Variants in TM2D2 observed in about 807,000 individuals in gnomAD.
The protein encoded by TM2D2 is TM2 domain containing 2.
A neutral mutation model predicts 23.0 loss-of-function variants in TM2D2; 19 were observed. That is an observed-to-expected ratio of 0.82 (90% CI 0.58 to 1.21). The LOEUF (loss-of-function observed/expected upper bound fraction) is 1.21, where lower values mean the gene tolerates loss of function less well. TM2D2 is among the 50% of genes most tolerant of loss of function. TM2D2 has a pLI of 0.00. For synonymous variants in TM2D2, 120 were observed against 108.8 expected, an observed-to-expected ratio of 1.10 and a Z score of -0.64; for missense variants, 246 against 265.4, an observed-to-expected ratio of 0.93 and a Z score of 0.51.
chr8:38,996,687 T>G (rs113863455), upstream of TM2D2: 26 of 1,424,104 alleles, frequency 1.8e-5, 1 homozygote, highest in African/African-American at 2.7e-4. Context: ...CTCATGCTCC[T>G]CCTTCTTTTG....
chr8:38,996,343 T>C lies in TM2D2; in HGVS notation c.97A>G (p.Ser33Gly), dbSNP rs1231473417. Residue 33 changes from serine (S) to glycine (G), a missense_variant, in exon 1 of 4, where the codon AGC becomes GGC. By Grantham distance (56) the Ser-to-Gly change is moderately conservative. Around this residue, in one of 2 missense-constraint regions of TM2D2, gnomAD observed 212 missense variants for 202.2 expected, o/e 1.05. Transcript: ENST00000456397. ...NLLLLHCVSRSHSQNATAEPE... is the reference protein window; with the variant it reads ...NLLLLHCVSRGHSQNATAEPE... ...TCAGCGGTCGCATTTTGCGAGTGGCTCCGAGACACACAATGCAGCAGAAGT... is the reference window on the plus strand; with the variant it reads ...TCAGCGGTCGCATTTTGCGAGTGGCCCCGAGACACACAATGCAGCAGAAGT... The C allele has an allele frequency of 2.5e-6, 4 of 1,613,958 alleles. No homozygotes were observed. The Admixed American group carries it at 6.7e-5, about 27-fold the overall frequency.
Position 38,989,755 on chromosome 8 carries a change from T to C in TM2D2, c.*1577A>G, listed in dbSNP as rs757223403. On this transcript the variant is annotated 3_prime_UTR_variant, in exon 4 of 4. Transcript: ENST00000456397. ...ATTTTGGGTAATATTATAATTTATGTTTTTTAGACTTCCCTTAGAAATTTT... is the reference window on the plus strand; with the variant it reads ...ATTTTGGGTAATATTATAATTTATGCTTTTTAGACTTCCCTTAGAAATTTT... 7.2e-5 allele frequency: 11 copies of C among 152,198 alleles called. No individual in the cohort carries two copies. Among genetic ancestry groups the C allele is most frequent in the Non-Finnish European group, 1.3e-4 (9 of 68,032 alleles). 9.4% of individuals were successfully genotyped at this position (152,198 alleles called of 1,614,324 possible). A position where few individuals can be genotyped will look rare whatever the true frequency, so the allele number is the denominator to read the frequency against.
rs1333714807 is a variant in TM2D2, at chr8:38,990,246, G to C, written c.*1086C>G. 2 of 152,298 alleles carry C rather than the reference G, an allele frequency of 1.3e-5. No individual in the cohort carries two copies. Among genetic ancestry groups the C allele is most frequent in the Middle Eastern group, 3.4e-3 (1 of 294 alleles). 9.4% of individuals were successfully genotyped at this position (152,298 alleles called of 1,614,324 possible). On this transcript the variant is annotated 3_prime_UTR_variant, in exon 4 of 4. Transcript: ENST00000456397. ...TGGTCTTAAATTCAATTATTATTAG[G>C]TAAACTGAGTGAGTTCTACCTTGTT...
rs551436528 is a variant in TM2D2, at chr8:38,995,483, G to A, written c.228-78C>T. 6.6e-5 allele frequency: 105 copies of A among 1,587,968 alleles called. 1 individual carries two copies. In the South Asian group the frequency reaches 1.2e-3, roughly 18 times the overall value. Reference sequence around the variant, plus strand: ...CTGTTTGCATGCACGTAATCAAAACGGGCAAAAGACATTTCTTCATCAAGT... The same window carrying A: ...CTGTTTGCATGCACGTAATCAAAACAGGCAAAAGACATTTCTTCATCAAGT... On this transcript the variant is annotated intron_variant, in intron 1 of 3. Transcript: ENST00000456397.
In TM2D2 at chr8:38,991,516, A is replaced by G. The variant is rs757641743; in HGVS notation, c.461T>C (p.Leu154Ser). The change falls in exon 4 of 4, where the codon TTA becomes TCA. Residue 154 changes from leucine (L) to serine (S), a missense_variant. By Grantham distance (145) the Leu-to-Ser change is moderately radical. This residue lies in a region of TM2D2 where 212 missense variants were observed against 202.2 expected (regional missense o/e 1.05). Transcript: ENST00000456397. ...KYTGHYFITTLLYSFFLGCFG... is the reference protein window; with the variant it reads ...KYTGHYFITTSLYSFFLGCFG... Reference sequence around the variant, plus strand: ...ACATCCCAGGAAGAAGGAGTAGAGTAAAGTGGTTATGAAGTAGTGTCCGGT... The same window carrying G: ...ACATCCCAGGAAGAAGGAGTAGAGTGAAGTGGTTATGAAGTAGTGTCCGGT... 6.2e-7 allele frequency: 1 copy of G among 1,614,110 alleles called. No individual in the cohort carries two copies. Among genetic ancestry groups the G allele is most frequent in the Non-Finnish European group, 8.5e-7 (1 of 1,179,906 alleles).
At position 38,996,234 on chromosome 8, in the gene TM2D2, G is replaced by A. The variant is rs1448656773; in HGVS notation, c.206C>T (p.Pro69Leu). ...TTACAGGTAAGAGCAGAGGATGACC[G>A]GAGAGTGGGGGTCGCCATATTCCCA... ...ASWEYGDPHSPVILCSYLPDE... is the reference protein window; with the variant it reads ...ASWEYGDPHSLVILCSYLPDE... The change falls in exon 1 of 4, where the codon CCG becomes CTG. Residue 69 changes from proline (P) to leucine (L), a missense_variant. Pro to Leu is a moderately conservative substitution (Grantham distance 98). Coordinates refer to ENST00000456397, the MANE Select transcript of TM2D2 (RefSeq NM_078473.3). 5.6e-6 allele frequency: 9 copies of A among 1,613,628 alleles called. No individual in the cohort carries two copies. The highest frequency in any genetic ancestry group is 3.3e-5 in the Admixed American group (2 of 59,998).
Position 38,989,821 on chromosome 8 carries a change from CTT to C in TM2D2, c.*1509_*1510del, listed in dbSNP as rs1366484923. ...TGGCATCCTTGAACTCCCTTAAACT[CTT>C]TTATTTGTATAAATTTATAGGGTAC... On this transcript the variant is annotated 3_prime_UTR_variant, in exon 4 of 4. Coordinates refer to ENST00000456397, the MANE Select transcript of TM2D2 (RefSeq NM_078473.3). 1 of 151,338 alleles carries C rather than the reference CTT, an allele frequency of 6.6e-6. No individual in the cohort carries two copies. 9.4% of individuals were successfully genotyped at this position (151,338 alleles called of 1,614,324 possible).
Position 38,996,035 on chromosome 8 carries a change from C to T in TM2D2, c.227+178G>A, listed in dbSNP as rs1043149715. ...TCTCAAAGCCTCTGTCACTGACACA[C>T]AAGAGTTTTCTCTGCACGGGCTGTG... is the stretch of plus-strand genomic sequence containing the variant. On this transcript the variant is annotated intron_variant, in intron 1 of 3. Transcript: ENST00000456397. Among the ~76,000 whole-genome samples, 3 of 152,174 alleles carry T rather than the reference C, an allele frequency of 2.0e-5. No homozygotes were observed. The East Asian group carries it at 5.8e-4, about 29-fold the overall frequency.
Position 38,988,819 on chromosome 8 carries a change from T to C in TM2D2, c.*2513A>G, listed in dbSNP as rs1448578258. 2 of 152,190 alleles carry C rather than the reference T, an allele frequency of 1.3e-5. No individual in the cohort carries two copies. The allele number at this position is 152,190 out of a possible 1,614,324, so 9.4% of individuals were successfully genotyped here. A position where few individuals can be genotyped will look rare whatever the true frequency, so the allele number is the denominator to read the frequency against. On this transcript the variant is annotated 3_prime_UTR_variant, in exon 4 of 4. Transcript: ENST00000456397. ...ACAGTGCCAGGAAATCTGGGGGAAC[T>C]GATAACATTTTATTAAAGGCAAGAA...
chr8:38,989,642 A>AAAAC lies in TM2D2; in HGVS notation c.*1686_*1689dup, dbSNP rs1235426795. On this transcript the variant is annotated 3_prime_UTR_variant, in exon 4 of 4. Transcript: ENST00000456397. ...CCCTAAAGTTTCTTATTTTTTAAAG[A>AAAAC]AAACAACTTTTGGTAGGGTTATGAA... 3.9e-5 allele frequency: 6 copies of AAAAC among 152,182 alleles called. No homozygotes were observed. Among genetic ancestry groups the AAAAC allele is most frequent in the Non-Finnish European group, 8.8e-5 (6 of 68,036 alleles). 9.4% of individuals were successfully genotyped at this position (152,182 alleles called of 1,614,324 possible). A position where few individuals can be genotyped will look rare whatever the true frequency, so the allele number is the denominator to read the frequency against.
Position 38,991,113 on chromosome 8 carries a change from T to C in TM2D2, c.*219A>G, listed in dbSNP as rs568202992. 143 of 585,624 alleles carry C rather than the reference T, an allele frequency of 2.4e-4. No homozygotes were observed. The highest frequency in any genetic ancestry group is 4.0e-4 in the Non-Finnish European group (132 of 330,336). 36.3% of individuals were successfully genotyped at this position (585,624 alleles called of 1,614,324 possible). ...TTTGTGCATGAGGAAAGGAACAAAT[T>C]TGATTCCCCACAACACTTTTTGCTT... is the stretch of plus-strand genomic sequence containing the variant. On this transcript the variant is annotated 3_prime_UTR_variant, in exon 4 of 4. Coordinates refer to ENST00000456397, the MANE Select transcript of TM2D2 (RefSeq NM_078473.3).
intron 3 of TM2D2, among the ~76,000 whole-genome samples, 172 bp from the exon 4 acceptor site, chr8:38,991,717 A>C (rs1462545170): frequency 6.6e-6 from 1 of 152,060 alleles, no homozygotes; most frequent in Non-Finnish European, 1.5e-5. Flanking sequence ...GATCAGGAAA[A>C]ACCAAAGTTT....
chr8:38,994,851 ACT>A (rs113670132), intron 2 of TM2D2, among the ~76,000 whole-genome samples: 8,144 of 152,194 alleles, frequency 0.054, 757 homozygotes, highest in African/African-American at 0.19. Context: ...ATACCGGTAG[ACT>A]CTATCTGTCT....
Position 38,992,687 on chromosome 8 carries a change from A to G in TM2D2, c.431+858T>C, listed in dbSNP as rs563588091. 1.5e-3 allele frequency among the ~76,000 whole-genome samples: 221 copies of G among 152,288 alleles called. 1 individual carries two copies. The highest frequency in any genetic ancestry group is 5.1e-3 in the African/African-American group (214 of 41,560). Reference sequence around the variant, plus strand: ...ACATTTGCACAACAGGCACCATGGTAGGAGTAGGAGTCTGGGCTCCCATCC... The same window carrying G: ...ACATTTGCACAACAGGCACCATGGTGGGAGTAGGAGTCTGGGCTCCCATCC... On this transcript the variant is annotated intron_variant, in intron 3 of 3. Transcript: ENST00000456397.
rs1835578021 is a variant in TM2D2 at position 38,990,784 on chromosome 8, T to C, written c.*548A>G. 1 of 154,026 alleles carries C rather than the reference T, an allele frequency of 6.5e-6. No homozygotes were observed. The allele number at this position is 154,026 out of a possible 1,614,324, so 9.5% of individuals were successfully genotyped here. ...ATAATTTTGAGTTTATTCCCCCTAC[T>C]GAAAATACTCATACAGTACTCCAAG... On this transcript the variant is annotated 3_prime_UTR_variant, in exon 4 of 4. Coordinates refer to ENST00000456397, the MANE Select transcript of TM2D2 (RefSeq NM_078473.3).
upstream of TM2D2, chr8:38,996,669 T>G (rs1008044009): frequency 7.0e-7 from 1 of 1,426,574 alleles, no homozygotes; most frequent in Non-Finnish European, 9.1e-7. Flanking sequence ...TCGATTCCTC[T>G]TCTGGGTCTC....
At chr8:38,991,620 G>C (rs111722842) in intron 3 of TM2D2, 75 bp from the exon 4 acceptor site, 6 of 1,152,610 alleles carry the variant, frequency 5.2e-6, no homozygotes, top group African/African-American at 3.0e-5. Context: ...TGAATTTAAC[G>C]TAAGTGATGA....
In TM2D2 at chr8:38,996,199, C is replaced by T. The variant is rs1203998935; in HGVS notation, c.227+14G>A. ...ACCCTCCACGTCCACCCGCCTCGAC[C>T]ACTGGTAGCTTACAGGTAAGAGCAG... On this transcript the variant is annotated intron_variant, in intron 1 of 3. Coordinates refer to ENST00000456397, the MANE Select transcript of TM2D2 (RefSeq NM_078473.3). 10 of 1,606,382 alleles carry T rather than the reference C, an allele frequency of 6.2e-6. No individual in the cohort carries two copies. Among genetic ancestry groups the T allele is most frequent in the Middle Eastern group, 1.7e-4 (1 of 6,056 alleles).
At position 38,991,514 on chromosome 8, in the gene TM2D2, G is replaced by A; in HGVS notation, c.463C>T (p.Leu155Phe). The A allele has an allele frequency of 6.2e-7, 1 of 1,614,086 alleles. No individual in the cohort carries two copies. The highest frequency in any genetic ancestry group is 8.5e-7 in the Non-Finnish European group (1 of 1,179,926). Residue 155 changes from leucine to phenylalanine, a missense_variant, in exon 4 of 4, where the codon CTC becomes TTC. Physicochemically the swap from Leu to Phe is conservative, Grantham distance 22. Around this residue, in one of 2 missense-constraint regions of TM2D2, gnomAD observed 212 missense variants for 202.2 expected, o/e 1.05. Transcript: ENST00000456397. The stretch of plus-strand genomic sequence containing the variant: ...AAACATCCCAGGAAGAAGGAGTAGA[G>A]TAAAGTGGTTATGAAGTAGTGTCCG... ...YTGHYFITTL[L>F]YSFFLGCFGV...
Sources: gnomAD v4.1 joint callset for allele counts (sites outside exome capture counted in the v4.1 genomes callset) on GRCh38, gnomAD v4.1.1 for gene constraint, gnomAD v4.1.1 regional missense constraint, MANE v1.5 for transcripts, NCBI Gene and HGNC (gene_info 2026-07-23, HGNC 2026-07-21) for gene names.